The following RUFY3 variants were observed in gnomAD, a reference collection of about 807,000 sequenced individuals.
RUFY3 encodes the protein RUN and FYVE domain containing 3.
RUFY3 carries 34 observed loss-of-function variants against 84.0 expected under a neutral mutation model. The ratio of observed to expected loss-of-function variants is 0.40; its 90% confidence interval spans 0.31 to 0.54. The LOEUF (loss-of-function observed/expected upper bound fraction) is 0.54, where lower values mean the gene tolerates loss of function less well. Ranked by LOEUF, RUFY3 falls within the 20% of genes least tolerant of loss-of-function variation. RUFY3 has a pLI of 0.39. For missense variants in RUFY3, 507 were observed against 736.8 expected (o/e 0.69, Z 3.61); for synonymous variants, 242 against 252.9 (o/e 0.96, Z 0.41).
At chr4:70,720,028 A>G (rs1397567030), upstream of RUFY3, among the ~76,000 whole-genome samples, 1 of 152,162 alleles carries the variant, frequency 6.6e-6, no homozygotes, top group Non-Finnish European at 1.5e-5. Context: ...CCAATTATAA[A>G]TAAGCCTATA....
At chr4:70,741,377 TC>T (rs955719418) in intron 1 of RUFY3, among the ~76,000 whole-genome samples, 16 of 152,186 alleles carry the variant, frequency 1.1e-4, no homozygotes, top group African/African-American at 3.6e-4. Flanking sequence ...CATCTTTGTT[TC>T]CCTTTATTTG....
At chr4:70,806,432 T>C in intron 17 of RUFY3, 84 bp from the exon 18 acceptor site, 1 of 1,461,278 alleles carries the variant, frequency 6.8e-7, no homozygotes, top group South Asian at 1.2e-5. Flanking sequence ...GCATTGAGCA[T>C]TTGCCATATT....
intron 1 of RUFY3, chr4:70,734,438 A>G (rs752506495): frequency 5.8e-5 from 57 of 985,234 alleles, no homozygotes; most frequent in Non-Finnish European, 6.4e-5. Context: ...AGCTGTGATT[A>G]TGTGTTCAGA....
intron 1 of RUFY3, among the ~76,000 whole-genome samples, chr4:70,751,351 G>T (rs1723103939): frequency 6.6e-6 from 1 of 152,178 alleles, no homozygotes. Flanking sequence ...TTGCCAGACT[G>T]CCAAAGCAGC....
intron 6 of RUFY3, among the ~76,000 whole-genome samples, chr4:70,774,614 CAAAAAAAAA>C (rs1172638290): frequency 9.1e-5 from 2 of 22,088 alleles, no homozygotes; most frequent in East Asian, 2.2e-3. Context: ...GACTCTGCCT[CAAAAAAAAA>C]AAAAAAAAAA....
chr4:70,800,101 T>C (rs773066820), intron 14 of RUFY3, 40 bp from the exon 15 acceptor site: 2 of 1,575,088 alleles, frequency 1.3e-6, no homozygotes, highest in South Asian at 2.3e-5. Context: ...TTATTTAGCA[T>C]TCTGAATAAT....
chr4:70,704,592 C>A, upstream of RUFY3: 1 of 187,396 alleles, frequency 5.3e-6, no homozygotes, highest in Non-Finnish European at 1.1e-5. Flanking sequence ...GCAGTCAGCC[C>A]AGCCGGAGGG....
At chr4:70,774,629 AAAAAAAAAAAAAAAAAT>A (rs1560531916) in intron 6 of RUFY3, among the ~76,000 whole-genome samples, 3 of 120,690 alleles carry the variant, frequency 2.5e-5, no homozygotes, top group African/African-American at 1.1e-4. Context: ...AAAAAAAAAA[AAAAAAAAAAAAAAAAAT>A]ATATATATAT....
At chr4:70,802,000 A>C (rs749675316) in intron 15 of RUFY3, among the ~76,000 whole-genome samples, 5 of 152,226 alleles carry the variant, frequency 3.3e-5, no homozygotes, top group Non-Finnish European at 2.9e-5. Context: ...TGTGCTCTGC[A>C]ACTTAGAATT....
intron 10 of RUFY3, among the ~76,000 whole-genome samples, chr4:70,787,988 C>T (rs1436536865): frequency 2.6e-5 from 4 of 152,032 alleles, no homozygotes; most frequent in Admixed American, 2.6e-4. Flanking sequence ...GTTAAGTGAA[C>T]TAAAAATTCT....
intron 4 of RUFY3, among the ~76,000 whole-genome samples, chr4:70,765,209 GTA>G (rs59630867): frequency 0.064 from 8,762 of 137,028 alleles, 409 homozygotes; most frequent in East Asian, 0.1. Context: ...AAAAAAATGT[GTA>G]TATATATATA....
chr4:70,724,480 C>T (rs145601590), intron 1 of RUFY3, among the ~76,000 whole-genome samples: 1 of 152,246 alleles, frequency 6.6e-6, no homozygotes, highest in Non-Finnish European at 1.5e-5. Flanking sequence ...TTCATGTAAG[C>T]GTTTTTAGCA....
At chr4:70,800,016 C>T (rs1732023946) in intron 14 of RUFY3, 125 bp from the exon 15 acceptor site, 1 of 742,658 alleles carries the variant, frequency 1.3e-6, no homozygotes, top group Non-Finnish European at 2.2e-6. Flanking sequence ...AAGTTAGATC[C>T]CTTCCCTAAT....
At chr4:70,796,909 A>G (rs1366006582) in intron 14 of RUFY3, among the ~76,000 whole-genome samples, 1 of 149,936 alleles carries the variant, frequency 6.7e-6, no homozygotes, top group East Asian at 2.0e-4. Flanking sequence ...AATTCATATT[A>G]CTCTGATAGG....
At position 70,804,345 on chromosome 4, in the gene RUFY3, T is replaced by C; in HGVS notation, c.1651-3T>C. On this transcript the variant is annotated splice_polypyrimidine_tract_variant and splice_region_variant and intron_variant, in intron 16 of 17. Transcript: ENST00000381006. ...AAACTAACCAGCTCCCTGTGTGGTTTAGGATCAGCTGCTGCTCTCTGAAAA... is the reference window on the plus strand; with the variant it reads ...AAACTAACCAGCTCCCTGTGTGGTTCAGGATCAGCTGCTGCTCTCTGAAAA... 6.2e-7 allele frequency: 1 copy of C among 1,613,904 alleles called. No homozygotes were observed. Among genetic ancestry groups the C allele is most frequent in the Non-Finnish European group, 8.5e-7 (1 of 1,179,866 alleles).
In RUFY3 at chr4:70,793,811, A is replaced by C. The variant is rs1731169168; in HGVS notation, c.1364A>C (p.Gln455Pro). The C allele has an allele frequency of 1.2e-6, 2 of 1,614,114 alleles. No homozygotes were observed. The highest frequency in any genetic ancestry group is 1.7e-6 in the Non-Finnish European group (2 of 1,180,018). ...TTGCGCCAGGCTGAGCGAAGCCGCCAATCTGCTGAGTTGGACAACCGGCTC... is the reference window on the plus strand; with the variant it reads ...TTGCGCCAGGCTGAGCGAAGCCGCCCATCTGCTGAGTTGGACAACCGGCTC... Reference protein sequence around the residue: ...QRLRQAERSRQSAELDNRLFK... With the variant: ...QRLRQAERSRPSAELDNRLFK... Residue 455 changes from glutamine (Q) to proline (P), a missense_variant, in exon 13 of 18, where the codon CAA becomes CCA. Physicochemically the swap from Gln to Pro is moderately conservative, Grantham distance 76 (BLOSUM62 -1). Coordinates refer to ENST00000381006, the MANE Select transcript of RUFY3 (RefSeq NM_001037442.4).
chr4:70,745,199 C>T (rs1223597360), intron 1 of RUFY3, among the ~76,000 whole-genome samples: 2 of 152,306 alleles, frequency 1.3e-5, no homozygotes, highest in East Asian at 3.9e-4. Flanking sequence ...CCGCCTTGGC[C>T]TCCCAAAGTG....
chr4:70,766,202 C>A (rs1394948670), intron 4 of RUFY3, among the ~76,000 whole-genome samples: 1 of 152,142 alleles, frequency 6.6e-6, no homozygotes, highest in Non-Finnish European at 1.5e-5. Flanking sequence ...ATCATGATGT[C>A]AAATTGACTG....
chr4:70,746,504 CAA>C (rs1178734323), intron 1 of RUFY3, among the ~76,000 whole-genome samples: 752 of 65,092 alleles, frequency 0.012, 1 homozygote, highest in Non-Finnish European at 0.02. Flanking sequence ...AAGACTGTCT[CAA>C]AAAAAAAAAA....
Sources: allele counts gnomAD v4.1 joint callset (sites outside exome capture counted in the v4.1 genomes callset), GRCh38; gene constraint gnomAD v4.1.1; transcripts MANE v1.5; gene names NCBI Gene and HGNC (gene_info 2026-07-23, HGNC 2026-07-21).